SYT7: variants seen among roughly 807,000 people sequenced by gnomAD.
SYT7 encodes synaptotagmin-7.
A neutral mutation model predicts 75.1 loss-of-function variants in SYT7; 29 were observed. The ratio of observed to expected loss-of-function variants is 0.39; its 90% CI spans 0.29 to 0.53. The LOEUF (loss-of-function observed/expected upper bound fraction) is 0.53, where lower values mean the gene tolerates loss of function less well. Ranked by LOEUF, SYT7 falls within the 20% of genes least tolerant of loss-of-function variation. The pLI, the probability that SYT7 is intolerant of heterozygous loss-of-function variation, is 0.77. For synonymous variants in SYT7, 376 were observed against 401.7 expected (o/e 0.94, Z 0.76); for missense variants, 693 against 953.2 (o/e 0.73, Z 3.59).
At chr11:61,582,893 T>G (rs1332553877), upstream of SYT7, among the ~76,000 whole-genome samples, 3 of 151,902 alleles carry the variant, frequency 2.0e-5, no homozygotes, top group East Asian at 5.8e-4. Flanking sequence ...CTTGGCTCAT[T>G]CCCCCACCCA....
intron 1 of SYT7, among the ~76,000 whole-genome samples, chr11:61,579,489 G>A (rs1197145594): frequency 1.3e-5 from 2 of 152,060 alleles, no homozygotes; most frequent in Non-Finnish European, 2.9e-5. Context: ...AGTGCCTGGC[G>A]CCCAGTGGGT....
intron 12 of SYT7, among the ~76,000 whole-genome samples, chr11:61,521,425 T>C (rs1301873049): frequency 2.6e-5 from 4 of 152,042 alleles, no homozygotes; most frequent in African/African-American, 9.7e-5. Flanking sequence ...GCTGAGCTGG[T>C]CAAACGGGGT....
intron 6 of SYT7, among the ~76,000 whole-genome samples, chr11:61,539,170 G>C (rs1201848614): frequency 3.3e-5 from 5 of 152,190 alleles, no homozygotes. Context: ...AGGACTGCAG[G>C]GAGCCTGTGC....
At chr11:61,587,136 C>CG in the SYT7 span, among the ~76,000 whole-genome samples, 1 of 152,316 alleles carries the variant, frequency 6.6e-6, no homozygotes. Flanking sequence ...CCACCTCCCC[C>CG]GGGGACTCAG....
intron 2 of SYT7, among the ~76,000 whole-genome samples, chr11:61,554,663 C>T (rs1435698298): frequency 6.6e-6 from 1 of 152,172 alleles, no homozygotes; most frequent in African/African-American, 2.4e-5. Context: ...AGCCACTCCC[C>T]CAGCCTCCGA....
upstream of SYT7, among the ~76,000 whole-genome samples, chr11:61,581,332 A>C (rs1365996937): frequency 6.6e-6 from 1 of 150,404 alleles, no homozygotes; most frequent in East Asian, 2.0e-4. Flanking sequence ...GCCGAGCCCC[A>C]CGGCCGGGCT....
Position 61,556,151 on chromosome 11 carries a change from C to A in SYT7, c.88G>T (p.Val30Phe). The change falls in exon 2 of 13, where the codon GTC becomes TTC. Residue 30 changes from valine to phenylalanine, a missense_variant. Coordinates refer to ENST00000539008, the MANE Select transcript of SYT7 (RefSeq NM_001365809.2). The part of the protein sequence containing the change: ...VSAIITVSLS[V>F]TVVLCGLCHW... The stretch of plus-strand genomic sequence containing the variant: ...CAGAGGCCGCAGAGGACGACAGTGA[C>A]GCTAAGGCTGACGGTGATGATGGCA... 1 of 1,614,034 alleles carries A rather than the reference C, an allele frequency of 6.2e-7. No homozygotes were observed. Among genetic ancestry groups the A allele is most frequent in the Non-Finnish European group, 8.5e-7 (1 of 1,179,960 alleles).
chr11:61,554,570 C>T (rs1387023671), intron 2 of SYT7, among the ~76,000 whole-genome samples: 1 of 152,188 alleles, frequency 6.6e-6, no homozygotes, highest in Non-Finnish European at 1.5e-5. Context: ...ATGCAGCCTT[C>T]TTCCCTAGCC....
At chr11:61,548,861 T>C (rs750282404) in intron 3 of SYT7, among the ~76,000 whole-genome samples, 1 of 152,176 alleles carries the variant, frequency 6.6e-6, no homozygotes, top group Non-Finnish European at 1.5e-5. Context: ...TAGACAGATT[T>C]CTCTGTCCAG....
At chr11:61,528,292 C>A in intron 8 of SYT7, 107 bp from the exon 9 acceptor site, 1 of 1,362,008 alleles carries the variant, frequency 7.3e-7, no homozygotes, top group Non-Finnish European at 1.0e-6. Flanking sequence ...GCCCAGCCCA[C>A]ACTCACATCC....
At chr11:61,579,090 G>T (rs2064163891) in intron 1 of SYT7, among the ~76,000 whole-genome samples, 1 of 152,186 alleles carries the variant, frequency 6.6e-6, no homozygotes, top group Non-Finnish European at 1.5e-5. Context: ...AGGAGGGAGG[G>T]AGAGGGGAGA....
chr11:61,543,681 T>C (rs1328689677), intron 5 of SYT7, among the ~76,000 whole-genome samples: 1 of 152,234 alleles, frequency 6.6e-6, no homozygotes, highest in Non-Finnish European at 1.5e-5. Context: ...TGGGCTGTGT[T>C]GAAAATGCTG....
At chr11:61,578,372 T>A (rs1256976211) in intron 1 of SYT7, among the ~76,000 whole-genome samples, 2 of 151,956 alleles carry the variant, frequency 1.3e-5, no homozygotes, top group African/African-American at 2.4e-5. Flanking sequence ...ACAGATTTTT[T>A]TTTTTTTAAG....
At chr11:61,544,360 A>T (rs1283688076) in intron 5 of SYT7, among the ~76,000 whole-genome samples, 2 of 152,208 alleles carry the variant, frequency 1.3e-5, no homozygotes, top group African/African-American at 4.8e-5. Context: ...AGAGAGAAAG[A>T]AAAAGAGAGA....
At chr11:61,558,133 C>T (rs769811841) in intron 1 of SYT7, among the ~76,000 whole-genome samples, 2 of 152,200 alleles carry the variant, frequency 1.3e-5, no homozygotes, top group Admixed American at 6.5e-5. Context: ...GCCATTCTTA[C>T]GCTGAGCTTT....
At chr11:61,560,697 C>T (rs915393118) in intron 1 of SYT7, among the ~76,000 whole-genome samples, 12 of 152,194 alleles carry the variant, frequency 7.9e-5, no homozygotes, top group African/African-American at 2.9e-4. Context: ...CAAGCATGTT[C>T]TCGCCTACCA....
At chr11:61,584,688 AT>A (rs1364367910), upstream of SYT7, among the ~76,000 whole-genome samples, 1 of 152,218 alleles carries the variant, frequency 6.6e-6, no homozygotes, top group African/African-American at 2.4e-5. Flanking sequence ...GAGCGCCAGA[AT>A]CCAATCCCAA....
Position 61,546,100 on chromosome 11 carries a change from C to G in SYT7, c.503G>C (p.Gly168Ala), listed in dbSNP as rs1425200833. 4 of 1,531,200 alleles carry G rather than the reference C, an allele frequency of 2.6e-6. No homozygotes were observed. The highest frequency in any genetic ancestry group is 3.5e-6 in the Non-Finnish European group (4 of 1,144,716). 94.9% of individuals were successfully genotyped at this position (1,531,200 alleles called of 1,614,324 possible). The change falls in exon 5 of 13, where the codon GGC (glycine) becomes GCC (alanine). Residue 168 changes from glycine (G) to alanine (A), a missense_variant. By Grantham distance (60) the Gly-to-Ala change is moderately conservative. This residue lies in a region of SYT7 where 487 missense variants were observed against 593.2 expected (regional missense o/e 0.82). Transcript: ENST00000539008. This position sits in a 1 kb window ranked among gnomAD's most constrained non-coding sequence, Gnocchi z 7.6. ...GAAPSEPGSG[G>A]KAGRGRWRTV... Reference sequence around the variant, plus strand: ...CCGCCAGCGGCCTCTCCCCGCCTTGCCACCGCTGCCCGGCTCGCTGGGGGC... The same window carrying G: ...CCGCCAGCGGCCTCTCCCCGCCTTGGCACCGCTGCCCGGCTCGCTGGGGGC...
rs543592571 is a variant in SYT7 at position 61,551,638 on chromosome 11, C to T, written c.136-175G>A. Reference sequence around the variant, plus strand: ...GGGGCCAATCCCCTGGATGCCTGCTCCCCGGTTGGCAGCTCCTGGGCCCCA... The same window carrying T: ...GGGGCCAATCCCCTGGATGCCTGCTTCCCGGTTGGCAGCTCCTGGGCCCCA... On this transcript the variant is annotated intron_variant, in intron 2 of 12. Coordinates refer to ENST00000539008, the MANE Select transcript of SYT7 (RefSeq NM_001365809.2). This position sits in a 1 kb window ranked among gnomAD's most constrained non-coding sequence, Gnocchi z 5.3. Among the ~76,000 whole-genome samples, 1 of 152,264 alleles carries T rather than the reference C, an allele frequency of 6.6e-6. No individual in the cohort carries two copies. The highest frequency in any genetic ancestry group is 6.5e-5 in the Admixed American group (1 of 15,300).
Sources: allele counts gnomAD v4.1 joint callset (sites outside exome capture counted in the v4.1 genomes callset), GRCh38; gene constraint gnomAD v4.1.1; regional missense constraint gnomAD v4.1.1; non-coding constraint Gnocchi (gnomAD v3.1); transcripts MANE v1.5; gene names NCBI Gene and HGNC (gene_info 2026-07-23, HGNC 2026-07-21).